SEC22B: variants seen among roughly 807,000 people sequenced by gnomAD.
SEC22B encodes the protein SEC22 homolog B, vesicle trafficking protein.
A neutral mutation model predicts 31.4 loss-of-function variants in SEC22B; 10 were observed. That is an observed-to-expected ratio of 0.32 (90% confidence interval 0.20 to 0.54). The LOEUF is 0.54. Among genes scored for constraint, SEC22B ranks in the 20% least tolerant of loss-of-function variants. SEC22B has a pLI of 0.94. For missense variants in SEC22B, 130 were observed against 263.4 expected, an observed-to-expected ratio of 0.49 and a Z score of 3.50; for synonymous variants, 60 against 95.9, an observed-to-expected ratio of 0.63 and a Z score of 2.19.
chr1:120,160,347 G>A (rs1375461388), intron 4 of SEC22B, 37 bp downstream of exon 4: 4 of 1,520,618 alleles, frequency 2.6e-6, no homozygotes, highest in Admixed American at 1.9e-5. Context: ...TATGGAATGA[G>A]AACCATTTCT....
At chr1:120,170,450 A>G (rs1368907276) in intron 1 of SEC22B, among the ~76,000 whole-genome samples, 3 of 147,068 alleles carry the variant, frequency 2.0e-5, no homozygotes, top group African/African-American at 8.0e-5. Flanking sequence ...CAGCAAATGT[A>G]CAATTACAGG....
In SEC22B at chr1:120,151,110, A is replaced by G. The variant is rs1657524798; in HGVS notation, c.*5928T>C. Reference sequence around the variant, plus strand: ...ACATGAGTTTTGGAGGGGCCAAACAACATGCAAACCATAGCAGCAGGTTTA... The same window carrying G: ...ACATGAGTTTTGGAGGGGCCAAACAGCATGCAAACCATAGCAGCAGGTTTA... On this transcript the variant is annotated 3_prime_UTR_variant, in exon 5 of 5. Transcript: ENST00000578049. 1 of 152,228 alleles carries G rather than the reference A, an allele frequency of 6.6e-6. No homozygotes were observed. Among genetic ancestry groups the G allele is most frequent in the Admixed American group, 6.5e-5 (1 of 15,286 alleles). The allele number at this position is 152,228 out of a possible 1,614,324, so 9.4% of individuals were successfully genotyped here.
chr1:120,176,285 G>C (rs1657962148), intron 1 of SEC22B, 22 bp downstream of exon 1: 4 of 1,604,118 alleles, frequency 2.5e-6, no homozygotes, highest in Non-Finnish European at 3.4e-6. Context: ...TTGGGGTCGC[G>C]GGTCGTGAGT....
chr1:120,155,190 A>C lies in SEC22B; in HGVS notation c.*1848T>G, dbSNP rs1657609640. On this transcript the variant is annotated 3_prime_UTR_variant, in exon 5 of 5. Coordinates refer to ENST00000578049, the MANE Select transcript of SEC22B (RefSeq NM_004892.6). Reference sequence around the variant, plus strand: ...GTATATAAATTAACTAGATAACAAAACTTCACACTGAAGTGAACATTCTAC... The same window carrying C: ...GTATATAAATTAACTAGATAACAAACCTTCACACTGAAGTGAACATTCTAC... The C allele has an allele frequency of 6.6e-6, 1 of 152,078 alleles. No individual in the cohort carries two copies. Among genetic ancestry groups the C allele is most frequent in the Non-Finnish European group, 1.5e-5 (1 of 67,950 alleles). 9.4% of individuals were successfully genotyped at this position (152,078 alleles called of 1,614,324 possible).
chr1:120,176,495 C>T lies in SEC22B; in HGVS notation c.-114G>A, dbSNP rs1305695786. On this transcript the variant is annotated 5_prime_UTR_variant, in exon 1 of 5. Coordinates refer to ENST00000578049, the MANE Select transcript of SEC22B (RefSeq NM_004892.6). Reference sequence around the variant, plus strand: ...GTCTCAGTTACCGGAGATCCAGCTGCTTGCGTCTCCGCTTCCCGCTGAGGT... The same window carrying T: ...GTCTCAGTTACCGGAGATCCAGCTGTTTGCGTCTCCGCTTCCCGCTGAGGT... 7.6e-6 allele frequency: 7 copies of T among 917,594 alleles called. No homozygotes were observed. Among genetic ancestry groups the T allele is most frequent in the East Asian group, 5.5e-5 (2 of 36,362 alleles). 56.8% of individuals were successfully genotyped at this position (917,594 alleles called of 1,614,324 possible).
intron 3 of SEC22B, among the ~76,000 whole-genome samples, chr1:120,162,816 C>T (rs1248938932): frequency 0.015 from 2,327 of 151,932 alleles, 46 homozygotes; most frequent in African/African-American, 0.053. Flanking sequence ...TTCTGATTTC[C>T]CAATTCTGAT....
rs1219670810 is a variant in SEC22B, at chr1:120,151,634, C to A, written c.*5404G>T. On this transcript the variant is annotated 3_prime_UTR_variant, in exon 5 of 5. Transcript: ENST00000578049. ...TGAGCTGAGATCGCGCCACTGCACT[C>A]TAGCCTCGGCGACAGAGCAAGACTA... 6.6e-6 allele frequency: 1 copy of A among 150,720 alleles called. No individual in the cohort carries two copies. The highest frequency in any genetic ancestry group is 1.5e-5 in the Non-Finnish European group (1 of 67,902). The allele number at this position is 150,720 out of a possible 1,614,324, so 9.3% of individuals were successfully genotyped here. A position where few individuals can be genotyped will look rare whatever the true frequency, so the allele number is the denominator to read the frequency against.
chr1:120,172,253 A>AG (rs1657906334), intron 1 of SEC22B, among the ~76,000 whole-genome samples: 1 of 98,766 alleles, frequency 1.0e-5, no homozygotes, highest in Admixed American at 8.8e-5. Context: ...AAAAAAAAAA[A>AG]AGAAAGGCAA....
At position 120,150,905 on chromosome 1, in the gene SEC22B, CAA is replaced by C. The variant is rs1245911939; in HGVS notation, c.*6131_*6132del. 6.6e-6 allele frequency: 1 copy of C among 152,046 alleles called. No individual in the cohort carries two copies. Among genetic ancestry groups the C allele is most frequent in the Non-Finnish European group, 1.5e-5 (1 of 67,994 alleles). 9.4% of individuals were successfully genotyped at this position (152,046 alleles called of 1,614,324 possible). On this transcript the variant is annotated 3_prime_UTR_variant, in exon 5 of 5. Transcript: ENST00000578049. ...CAGAAGGGGACCGAGTTTGTGCAAA[CAA>C]AAAGCGCAAAATAGAAGAGGCAGCA...
In SEC22B at chr1:120,151,840, A is replaced by G. The variant is rs74115541; in HGVS notation, c.*5198T>C. On this transcript the variant is annotated 3_prime_UTR_variant, in exon 5 of 5. Coordinates refer to ENST00000578049, the MANE Select transcript of SEC22B (RefSeq NM_004892.6). ...TAATAAAATACCTTTTGAAAGTTAT[A>G]TTAAAAAATTTTTGGTTAATAGTCT... 3 of 150,614 alleles carry G rather than the reference A, an allele frequency of 2.0e-5. No individual in the cohort carries two copies. Among genetic ancestry groups the G allele is most frequent in the Non-Finnish European group, 4.4e-5 (3 of 67,886 alleles). 9.3% of individuals were successfully genotyped at this position (150,614 alleles called of 1,614,324 possible).
intron 2 of SEC22B, among the ~76,000 whole-genome samples, chr1:120,164,332 C>A (rs1249781399): frequency 6.9e-6 from 1 of 144,560 alleles, no homozygotes; most frequent in Non-Finnish European, 1.5e-5. Flanking sequence ...GGGTTTGTTA[C>A]CTGGGTATAT....
intron 1 of SEC22B, among the ~76,000 whole-genome samples, chr1:120,175,899 G>T (rs1657952637): frequency 6.6e-6 from 1 of 152,176 alleles, no homozygotes; most frequent in South Asian, 2.1e-4. Context: ...AGCAAGCTAG[G>T]TCAAGGATCA....
chr1:120,169,931 T>A (rs1231908504), intron 1 of SEC22B, among the ~76,000 whole-genome samples: 23 of 151,374 alleles, frequency 1.5e-4, no homozygotes, highest in African/African-American at 5.3e-4. Context: ...GTGGGACCTT[T>A]GGGAGGTGAT....
chr1:120,155,816 A>G lies in SEC22B; in HGVS notation c.*1222T>C, dbSNP rs1657620500. The stretch of plus-strand genomic sequence containing the variant: ...TAAAAGGAAATCTCCATCATCCCTG[A>G]GCAGAAAAGGAAAAAATCATGGGTA... On this transcript the variant is annotated 3_prime_UTR_variant, in exon 5 of 5. Coordinates refer to ENST00000578049, the MANE Select transcript of SEC22B (RefSeq NM_004892.6). The G allele has an allele frequency of 6.6e-6, 1 of 152,032 alleles. No individual in the cohort carries two copies. The highest frequency in any genetic ancestry group is 2.1e-4 in the South Asian group (1 of 4,832). The allele number at this position is 152,032 out of a possible 1,614,324, so 9.4% of individuals were successfully genotyped here. A position where few individuals can be genotyped will look rare whatever the true frequency, so the allele number is the denominator to read the frequency against.
chr1:120,157,680 A>G (rs1657651507), intron 4 of SEC22B: 1 of 135,060 alleles, frequency 7.4e-6, no homozygotes, highest in Non-Finnish European at 1.5e-5. Flanking sequence ...ATTTTGAAAA[A>G]CGATAATGAT....
intron 1 of SEC22B, among the ~76,000 whole-genome samples, chr1:120,170,681 A>G (rs1657881334): frequency 6.8e-6 from 1 of 146,342 alleles, no homozygotes; most frequent in Non-Finnish European, 1.5e-5. Flanking sequence ...TAACATATGT[A>G]TGTCTGTATG....
intron 2 of SEC22B, among the ~76,000 whole-genome samples, chr1:120,166,396 TACACACAC>T (rs1268229455): frequency 7.0e-6 from 1 of 143,568 alleles, no homozygotes; most frequent in South Asian, 2.3e-4. Flanking sequence ...AAGTGTTTTT[TACACACAC>T]ACACACACAC....
rs1211883374 is a variant in SEC22B, at chr1:120,156,603, CAAAAAAAAAAA to C, written c.*424_*434del. The stretch of plus-strand genomic sequence containing the variant: ...CAACAAAAGGAATGTTGATTAGAGT[CAAAAAAAAAAA>C]AAAAAAAAAAAACACCTTCCCAAAG... On this transcript the variant is annotated 3_prime_UTR_variant, in exon 5 of 5. Coordinates refer to ENST00000578049, the MANE Select transcript of SEC22B (RefSeq NM_004892.6). The C allele has an allele frequency of 1.5e-5, 1 of 65,380 alleles. No homozygotes were observed. Among genetic ancestry groups the C allele is most frequent in the Non-Finnish European group, 3.4e-5 (1 of 29,070 alleles). The allele number at this position is 65,380 out of a possible 1,614,324, so 4.0% of individuals were successfully genotyped here.
In SEC22B at chr1:120,152,116, AGTAATATAG is replaced by A. The variant is rs1429144843; in HGVS notation, c.*4913_*4921del. ...TTTGAAGGTATATTTGGGAGTTACC[AGTAATATAG>A]GTAACTGTTGAAGCTCTAAATATAG... On this transcript the variant is annotated 3_prime_UTR_variant, in exon 5 of 5. Coordinates refer to ENST00000578049, the MANE Select transcript of SEC22B (RefSeq NM_004892.6). 1.4e-5 allele frequency: 2 copies of A among 141,670 alleles called. No individual in the cohort carries two copies. Among genetic ancestry groups the A allele is most frequent in the Non-Finnish European group, 1.5e-5 (1 of 64,588 alleles). 8.8% of individuals were successfully genotyped at this position (141,670 alleles called of 1,614,324 possible).
Sources: allele counts gnomAD v4.1 joint callset (sites outside exome capture counted in the v4.1 genomes callset), GRCh38; gene constraint gnomAD v4.1.1; transcripts MANE v1.5; gene names NCBI Gene and HGNC (gene_info 2026-07-23, HGNC 2026-07-21).